Variants in ABLIM2 observed in about 807,000 individuals in gnomAD.
The protein encoded by ABLIM2 is actin-binding LIM protein 2.
Under a neutral mutation model 97.7 loss-of-function variants are expected in ABLIM2, and 53 were observed. The ratio of observed to expected loss-of-function variants is 0.54; its 90% CI spans 0.44 to 0.68. The LOEUF (loss-of-function observed/expected upper bound fraction) is 0.68, where lower values mean the gene tolerates loss of function less well. ABLIM2 is among the 30% of genes least tolerant of loss of function. The pLI is 0.00. For synonymous variants in ABLIM2, 361 were observed against 345.8 expected (o/e 1.04, Z -0.49); for missense variants, 835 against 867.2 (o/e 0.96, Z 0.47).
chr4:7,979,317 C>T (rs1736168838), intron 20 of ABLIM2, among the ~76,000 whole-genome samples: 1 of 152,232 alleles, frequency 6.6e-6, no homozygotes, highest in Non-Finnish European at 1.5e-5. Flanking sequence ...ACTGACTGGC[C>T]ACGGCAGTCA....
chr4:8,059,982 G>T (rs1469509320), intron 7 of ABLIM2, among the ~76,000 whole-genome samples: 1 of 151,358 alleles, frequency 6.6e-6, no homozygotes, highest in African/African-American at 2.4e-5. Flanking sequence ...TGTCCTGTGT[G>T]TCCTCATTTC....
chr4:8,070,342 A>G (rs530169390), intron 6 of ABLIM2, among the ~76,000 whole-genome samples: 1 of 151,578 alleles, frequency 6.6e-6, no homozygotes, highest in South Asian at 2.1e-4. Context: ...ATCTGAAAGG[A>G]TGACTTCTAG....
intron 16 of ABLIM2, among the ~76,000 whole-genome samples, chr4:7,995,897 G>A (rs1431791146): frequency 1.3e-5 from 2 of 152,168 alleles, no homozygotes; most frequent in Non-Finnish European, 2.9e-5. Context: ...CTCTTCTCAT[G>A]TCACAGAAGG....
chr4:8,029,409 C>A (rs1409611314), intron 11 of ABLIM2, among the ~76,000 whole-genome samples: 1 of 152,124 alleles, frequency 6.6e-6, no homozygotes, highest in Non-Finnish European at 1.5e-5. Flanking sequence ...ACGGAGGGCT[C>A]CGCTAACCAG....
At position 8,095,038 on chromosome 4, in the gene ABLIM2, T is replaced by G. The variant is rs1310047851; in HGVS notation, c.338+2061A>C. Among the ~76,000 whole-genome samples the G allele has an allele frequency of 1.5e-5, 2 of 135,380 alleles. No individual in the cohort carries two copies. Among genetic ancestry groups the G allele is most frequent in the Non-Finnish European group, 3.3e-5 (2 of 60,022 alleles). The allele number at this position is 135,380 out of a possible 152,430, so 88.8% of individuals were successfully genotyped here. On this transcript the variant is annotated intron_variant, in intron 3 of 20. Coordinates refer to ENST00000447017, the MANE Select transcript of ABLIM2 (RefSeq NM_001130083.2). This position sits in a 1 kb window ranked among gnomAD's most constrained non-coding sequence, Gnocchi z 4.7. ...TCTCTCTCTCCCCCCACTTCTTTCC[T>G]TCCTTCCTTCTTTCTTTCTTTCTCT...
In ABLIM2 at chr4:8,005,569, G is replaced by A. The variant is rs903053764; in HGVS notation, c.1618+2490C>T. 1.3e-5 allele frequency among the ~76,000 whole-genome samples: 2 copies of A among 152,124 alleles called. No individual in the cohort carries two copies. Among genetic ancestry groups the A allele is most frequent in the Admixed American group, 6.5e-5 (1 of 15,274 alleles). On this transcript the variant is annotated intron_variant, in intron 16 of 20. Coordinates refer to ENST00000447017, the MANE Select transcript of ABLIM2 (RefSeq NM_001130083.2). This position sits in a 1 kb window ranked among gnomAD's most constrained non-coding sequence, Gnocchi z 4.9. ...AGAACCCCGAGAGAAAAAAAAGGGT[G>A]GCTCCCTCTCAATCTCCATGTGCTC...
At chr4:8,099,228 T>C (rs1258037579) in intron 2 of ABLIM2, among the ~76,000 whole-genome samples, 1 of 152,232 alleles carries the variant, frequency 6.6e-6, no homozygotes, top group Non-Finnish European at 1.5e-5. Context: ...AAGCAGAGAC[T>C]TGGGGGCCTC....
At chr4:7,977,041 C>A (rs184852091) in intron 20 of ABLIM2, among the ~76,000 whole-genome samples, 1 of 152,304 alleles carries the variant, frequency 6.6e-6, no homozygotes, top group Non-Finnish European at 1.5e-5. Context: ...TCCCCATAAT[C>A]CCCACATGTG....
At position 8,132,480 on chromosome 4, in the gene ABLIM2, C is replaced by A. The variant is rs1318907351; in HGVS notation, c.11-25843G>T. 6.6e-6 allele frequency among the ~76,000 whole-genome samples: 1 copy of A among 152,130 alleles called. No individual in the cohort carries two copies. Among genetic ancestry groups the A allele is most frequent in the African/African-American group, 2.4e-5 (1 of 41,408 alleles). On this transcript the variant is annotated intron_variant, in intron 1 of 20. Transcript: ENST00000447017. This position sits in a 1 kb window ranked among gnomAD's most constrained non-coding sequence, Gnocchi z 8.0. ...ACCATCCAGTCCCTGGAGAAGGACG[C>A]CCAGCCCTGGCCTTTCCTGAGCACT...
chr4:8,137,238 C>G (rs767266058), intron 1 of ABLIM2, among the ~76,000 whole-genome samples: 55 of 152,224 alleles, frequency 3.6e-4, no homozygotes, highest in South Asian at 6.2e-4. Flanking sequence ...AGGACCCCCC[C>G]ACTCTGCTTT....
At position 8,127,872 on chromosome 4, in the gene ABLIM2, G is replaced by A. The variant is rs1422508311; in HGVS notation, c.11-21235C>T. Among the ~76,000 whole-genome samples the A allele has an allele frequency of 6.6e-6, 1 of 152,104 alleles. No individual in the cohort carries two copies. Among genetic ancestry groups the A allele is most frequent in the East Asian group, 1.9e-4 (1 of 5,176 alleles). ...GGGGTGGGGGAGGAGTGGTGGGGGT[G>A]GGGAGCATCTGCTGACCCTTCCTCC... On this transcript the variant is annotated intron_variant, in intron 1 of 20. Coordinates refer to ENST00000447017, the MANE Select transcript of ABLIM2 (RefSeq NM_001130083.2). This position sits in a 1 kb window ranked among gnomAD's most constrained non-coding sequence, Gnocchi z 7.3.
rs959731446 is a variant in ABLIM2 at position 8,069,977 on chromosome 4, C to T, written c.675+7651G>A. Among the ~76,000 whole-genome samples, 4 of 151,638 alleles carry T rather than the reference C, an allele frequency of 2.6e-5. No individual in the cohort carries two copies. The highest frequency in any genetic ancestry group is 5.9e-5 in the Non-Finnish European group (4 of 67,944). On this transcript the variant is annotated intron_variant, in intron 6 of 20. Coordinates refer to ENST00000447017, the MANE Select transcript of ABLIM2 (RefSeq NM_001130083.2). The surrounding 1 kb of genome is among the most constrained non-coding windows in gnomAD (Gnocchi z 4.2). ...TGTGTGCCTAAGCGTGCTGTCTGCA[C>T]GTCTTGTATGTGTATGTGATCTGTG...
In ABLIM2 at chr4:8,122,492, G is replaced by A. The variant is rs188044255; in HGVS notation, c.11-15855C>T. Among the ~76,000 whole-genome samples the A allele has an allele frequency of 1.6e-4, 25 of 152,274 alleles. No individual in the cohort carries two copies. The highest frequency in any genetic ancestry group is 1.1e-3 in the Admixed American group (17 of 15,306). ...CTCCCTTCCTGGCTTGCAGACAGCC[G>A]CCTTCTTACTGTGTCCTCACAAGGC... On this transcript the variant is annotated intron_variant, in intron 1 of 20. Coordinates refer to ENST00000447017, the MANE Select transcript of ABLIM2 (RefSeq NM_001130083.2). The surrounding 1 kb of genome is among the most constrained non-coding windows in gnomAD (Gnocchi z 4.1).
At chr4:8,129,925 G>T (rs1849129109) in intron 1 of ABLIM2, among the ~76,000 whole-genome samples, 1 of 152,236 alleles carries the variant, frequency 6.6e-6, no homozygotes, top group South Asian at 2.1e-4. Context: ...GAGACACTGG[G>T]GAGCCAACTG....
chr4:8,025,897 A>T (rs1007023069), intron 12 of ABLIM2, among the ~76,000 whole-genome samples: 3 of 151,896 alleles, frequency 2.0e-5, no homozygotes, highest in African/African-American at 7.3e-5. Context: ...TGGTTGATTC[A>T]CTCTGGGTTT....
At chr4:8,088,781 A>G (rs2152520705) in intron 3 of ABLIM2, among the ~76,000 whole-genome samples, 1 of 152,252 alleles carries the variant, frequency 6.6e-6, no homozygotes, top group East Asian at 1.9e-4. Flanking sequence ...CATTCAACCT[A>G]GTTGGTATTT....
In ABLIM2 at chr4:8,091,331, TATATATATA is replaced by T. The variant is rs1561324839; in HGVS notation, c.339-3056_339-3048del. On this transcript the variant is annotated intron_variant, in intron 3 of 20. Coordinates refer to ENST00000447017, the MANE Select transcript of ABLIM2 (RefSeq NM_001130083.2). ...TATATATATATAATTATATATATAT[TATATATATA>T]ATATATATATAATTATATATATATT... 3.5e-3 allele frequency among the ~76,000 whole-genome samples: 55 copies of T among 15,908 alleles called. 6 individuals carry two copies. Among genetic ancestry groups the T allele is most frequent in the African/African-American group, 0.021 (52 of 2,478 alleles). The allele number at this position is 15,908 out of a possible 152,430, so 10.4% of individuals were successfully genotyped here.
rs73797042 is a variant in ABLIM2, at chr4:8,038,956, C to G, written c.901-2661G>C. On this transcript the variant is annotated intron_variant, in intron 9 of 20. Transcript: ENST00000447017. ...GCTGTTCCCTCTCTGGGATGTGCCC[C>G]TCCCACACCTCTTCCCTAAGCTCTG... Among the ~76,000 whole-genome samples the G allele has an allele frequency of 4.8e-3, 725 of 152,280 alleles. 5 individuals are homozygous for G. Among genetic ancestry groups the G allele is most frequent in the African/African-American group, 0.016 (679 of 41,528 alleles).
chr4:8,073,071 TA>T (rs1488312509), intron 6 of ABLIM2, among the ~76,000 whole-genome samples: 25 of 151,810 alleles, frequency 1.6e-4, no homozygotes, highest in Non-Finnish European at 3.5e-4. Flanking sequence ...CTGCTGTTTT[TA>T]ACGGGAGAGA....
Sources: gnomAD v4.1 joint callset for allele counts (sites outside exome capture counted in the v4.1 genomes callset) on GRCh38, gnomAD v4.1.1 for gene constraint, Gnocchi (gnomAD v3.1) non-coding constraint, MANE v1.5 for transcripts, NCBI Gene and HGNC (gene_info 2026-07-23, HGNC 2026-07-21) for gene names.